Variants in DERA observed in about 807,000 individuals in gnomAD.
DERA encodes the protein 2-deoxy-D-ribose 5-phosphate aldolase.
A neutral mutation model predicts 41.1 loss-of-function variants in DERA; 15 were observed. That is an observed-to-expected ratio of 0.37 (90% confidence interval 0.24 to 0.56). DERA has a LOEUF of 0.56. Ranked by LOEUF, DERA falls within the 20% of genes least tolerant of loss-of-function variation. The probability of loss-of-function intolerance (pLI) is 0.81; values close to 1 mark genes in which losing one functional copy is unlikely to be tolerated. For synonymous variants in DERA, 139 were observed against 137.4 expected (o/e 1.01, Z -0.08); for missense variants, 396 against 403.4 (o/e 0.98, Z 0.16).
intron 1 of DERA, among the ~76,000 whole-genome samples, chr12:15,920,486 C>G (rs1948234895): frequency 6.6e-6 from 1 of 152,170 alleles, no homozygotes; most frequent in Non-Finnish European, 1.5e-5. Flanking sequence ...TTAGAATCAC[C>G]TAAGACGCTT....
intron 1 of DERA, among the ~76,000 whole-genome samples, chr12:15,956,198 A>T (rs1948537173): frequency 1.3e-5 from 2 of 152,172 alleles, no homozygotes; most frequent in South Asian, 4.1e-4. Context: ...CTGTCTGGGG[A>T]GCTGACAGTG....
Position 15,941,848 on chromosome 12 carries a change from C to G in DERA, c.32-15088C>G, listed in dbSNP as rs1406327563. On this transcript the variant is annotated intron_variant, in intron 1 of 8. Transcript: ENST00000428559. The surrounding 1 kb of genome is among the most constrained non-coding windows in gnomAD (Gnocchi z 4.5). ...CAATAAACATACATGTGCATGTTGT[C>G]TTTTTCATATAATGACTTCTTTTCC... Among the ~76,000 whole-genome samples the G allele has an allele frequency of 1.3e-5, 2 of 152,130 alleles. No homozygotes were observed. The highest frequency in any genetic ancestry group is 4.8e-5 in the African/African-American group (2 of 41,428).
chr12:15,963,088 G>C, intron 5 of DERA, 141 bp downstream of exon 5: 1 of 1,207,042 alleles, frequency 8.3e-7, no homozygotes, highest in African/African-American at 1.5e-5. Context: ...GGAGAAAGCA[G>C]GCTAAGATTA....
At chr12:15,987,923 A>T (rs1161161658) in intron 6 of DERA, among the ~76,000 whole-genome samples, 2 of 152,132 alleles carry the variant, frequency 1.3e-5, no homozygotes, top group Non-Finnish European at 2.9e-5. Flanking sequence ...GAGTGAGTGC[A>T]CGCGGGGTCC....
chr12:15,932,688 G>T (rs570588714), intron 1 of DERA, among the ~76,000 whole-genome samples: 14 of 152,208 alleles, frequency 9.2e-5, no homozygotes, highest in African/African-American at 3.1e-4. Context: ...TTTCACTGAG[G>T]TGTAATATGT....
intron 1 of DERA, among the ~76,000 whole-genome samples, chr12:15,916,941 A>G (rs1948204877): frequency 6.6e-6 from 1 of 152,176 alleles, no homozygotes; most frequent in Non-Finnish European, 1.5e-5. Context: ...AAAATTAAGT[A>G]GAAATAGTGA....
chr12:15,944,428 G>C (rs1259026365), intron 1 of DERA, among the ~76,000 whole-genome samples: 2 of 152,136 alleles, frequency 1.3e-5, no homozygotes, highest in Non-Finnish European at 2.9e-5. Flanking sequence ...CTTCTAACTG[G>C]TGTGAGATGG....
At chr12:16,029,059 G>A (rs1341400376) in intron 6 of DERA, among the ~76,000 whole-genome samples, 1 of 152,192 alleles carries the variant, frequency 6.6e-6, no homozygotes, top group Non-Finnish European at 1.5e-5. Context: ...AAAACTGGGT[G>A]TGGGGTATAT....
intron 1 of DERA, 147 bp from the exon 2 acceptor site, chr12:15,956,785 GTTTA>G (rs1948542481): frequency 2.7e-6 from 2 of 733,184 alleles, no homozygotes; most frequent in Non-Finnish European, 5.0e-6. Flanking sequence ...CAATAAGGTT[GTTTA>G]TTTATAGTTG....
Position 16,020,034 on chromosome 12 carries a change from C to G in DERA, c.638-12508C>G, listed in dbSNP as rs1480136464. On this transcript the variant is annotated intron_variant, in intron 6 of 8. Coordinates refer to ENST00000428559, the MANE Select transcript of DERA (RefSeq NM_015954.4). This position sits in a 1 kb window ranked among gnomAD's most constrained non-coding sequence, Gnocchi z 5.5. The stretch of plus-strand genomic sequence containing the variant: ...TCTCACTCCCACTCTCGCCATCTGA[C>G]ATGCCTGCTCTCTTTGCTTTCTGCT... Among the ~76,000 whole-genome samples, 1 of 152,180 alleles carries G rather than the reference C, an allele frequency of 6.6e-6. No homozygotes were observed. Among genetic ancestry groups the G allele is most frequent in the Non-Finnish European group, 1.5e-5 (1 of 68,026 alleles).
intron 7 of DERA, among the ~76,000 whole-genome samples, chr12:16,033,340 C>T (rs1299195955): frequency 1.3e-5 from 2 of 152,106 alleles, no homozygotes; most frequent in East Asian, 1.9e-4. Flanking sequence ...TCAATTTTTG[C>T]GTTTTATGGA....
chr12:16,018,152 A>G (rs989219351), intron 6 of DERA, among the ~76,000 whole-genome samples: 68 of 152,272 alleles, frequency 4.5e-4, no homozygotes, highest in African/African-American at 1.6e-3. Context: ...TAGCCTTAAG[A>G]TATTATTTTT....
At position 15,922,692 on chromosome 12, in the gene DERA, T is replaced by C. The variant is rs1948252505; in HGVS notation, c.31+11278T>C. ...TGTGTACCTGCCCATTTGTGCTTCA[T>C]TGAATGCACTGTGGTTTATCTGGGA... is the stretch of plus-strand genomic sequence containing the variant. On this transcript the variant is annotated intron_variant, in intron 1 of 8. Transcript: ENST00000428559. This position sits in a 1 kb window ranked among gnomAD's most constrained non-coding sequence, Gnocchi z 4.9. Among the ~76,000 whole-genome samples the C allele has an allele frequency of 6.6e-6, 1 of 152,126 alleles. No homozygotes were observed. The highest frequency in any genetic ancestry group is 2.4e-5 in the African/African-American group (1 of 41,368).
chr12:16,002,197 T>C (rs1948880461), intron 6 of DERA, among the ~76,000 whole-genome samples: 1 of 145,986 alleles, frequency 6.8e-6, no homozygotes, highest in Non-Finnish European at 1.5e-5. Context: ...TGTGTTCTCA[T>C]TGTTCAATTC....
chr12:15,956,436 TG>T (rs1227311236), intron 1 of DERA, among the ~76,000 whole-genome samples: 3 of 152,240 alleles, frequency 2.0e-5, no homozygotes, highest in Non-Finnish European at 2.9e-5. Context: ...GAAGAAAGAA[TG>T]GGCTGTATCC....
chr12:15,914,395 A>T lies in DERA; in HGVS notation c.31+2981A>T, dbSNP rs868574212. ...GACAGACTGTGTCTCAAAAAAGATA[A>T]AAAAAAAAAAAAAAAAAGAAAAAGT... is the stretch of plus-strand genomic sequence containing the variant. On this transcript the variant is annotated intron_variant, in intron 1 of 8. Transcript: ENST00000428559. Among the ~76,000 whole-genome samples, 996 of 143,456 alleles carry T rather than the reference A, an allele frequency of 6.9e-3. 14 individuals carry two copies. Among genetic ancestry groups the T allele is most frequent in the African/African-American group, 0.024 (924 of 38,434 alleles). The allele number at this position is 143,456 out of a possible 152,430, so 94.1% of individuals were successfully genotyped here. A position where few individuals can be genotyped will look rare whatever the true frequency, so the allele number is the denominator to read the frequency against.
rs1250047212 is a variant in DERA at position 15,936,362 on chromosome 12, A to G, written c.32-20574A>G. Among the ~76,000 whole-genome samples, 2 of 152,246 alleles carry G rather than the reference A, an allele frequency of 1.3e-5. No individual in the cohort carries two copies. Among genetic ancestry groups the G allele is most frequent in the Non-Finnish European group, 2.9e-5 (2 of 68,038 alleles). ...TATAAAGAACACTCATATATCTGTC[A>G]TGACCTAACACATTAATAATTTACT... On this transcript the variant is annotated intron_variant, in intron 1 of 8. Coordinates refer to ENST00000428559, the MANE Select transcript of DERA (RefSeq NM_015954.4). The surrounding 1 kb of genome is among the most constrained non-coding windows in gnomAD (Gnocchi z 4.6).
In DERA at chr12:15,990,128, C is replaced by T. The variant is rs949335501; in HGVS notation, c.637+7692C>T. Among the ~76,000 whole-genome samples the T allele has an allele frequency of 3.9e-5, 6 of 152,186 alleles. No individual in the cohort carries two copies. Among genetic ancestry groups the T allele is most frequent in the African/African-American group, 1.4e-4 (6 of 41,514 alleles). On this transcript the variant is annotated intron_variant, in intron 6 of 8. Coordinates refer to ENST00000428559, the MANE Select transcript of DERA (RefSeq NM_015954.4). This position sits in a 1 kb window ranked among gnomAD's most constrained non-coding sequence, Gnocchi z 4.3. ...CATCCTACGTCAATAAGAAAGGAAA[C>T]ATAATGAAATCTTTTTTTTTCTATA... is the stretch of plus-strand genomic sequence containing the variant.
Position 16,014,745 on chromosome 12 carries a change from C to T in DERA, c.638-17797C>T, listed in dbSNP as rs1948969198. Among the ~76,000 whole-genome samples the T allele has an allele frequency of 6.6e-6, 1 of 152,196 alleles. No individual in the cohort carries two copies. Among genetic ancestry groups the T allele is most frequent in the East Asian group, 1.9e-4 (1 of 5,182 alleles). On this transcript the variant is annotated intron_variant, in intron 6 of 8. Transcript: ENST00000428559. The surrounding 1 kb of genome is among the most constrained non-coding windows in gnomAD (Gnocchi z 5.4). ...GACCCCAGAATGGTAGATCCACCAA[C>T]AGCTTGCACCGTGGGCTTGGAAAAG...
Sources: gnomAD v4.1 joint callset for allele counts (sites outside exome capture counted in the v4.1 genomes callset) on GRCh38, gnomAD v4.1.1 for gene constraint, Gnocchi (gnomAD v3.1) non-coding constraint, MANE v1.5 for transcripts, NCBI Gene and HGNC (gene_info 2026-07-23, HGNC 2026-07-21) for gene names.